The following MGA variants were observed in gnomAD, a reference collection of about 807,000 sequenced individuals.
MGA encodes the protein MAX gene-associated protein.
MGA carries 40 observed loss-of-function variants against 261.1 expected under a neutral mutation model. The ratio of observed to expected loss-of-function variants is 0.15; its 90% CI spans 0.12 to 0.20. The LOEUF is 0.20. MGA is among the 10% of genes least tolerant of loss of function. The pLI is 1.00. For synonymous variants in MGA, 1,302 were observed against 1,290.6 expected (o/e 1.01, Z -0.19); for missense variants, 3,397 against 3,630.5 (o/e 0.94, Z 1.65).
intron 9 of MGA, among the ~76,000 whole-genome samples, chr15:41,715,406 C>T (rs2060583007): frequency 1.3e-5 from 2 of 152,038 alleles, no homozygotes; most frequent in South Asian, 2.1e-4. Context: ...CCTCGGCCTC[C>T]CAAAGGGCTT....
rs1207263711 is a variant in MGA at position 41,693,302 on chromosome 15, TC to T, written c.1065-2767del. The stretch of plus-strand genomic sequence containing the variant: ...TAGGTATATCTCCCAATGCTATCCC[TC>T]CCCCCTCCCCCCACCCCACAACAGT... On this transcript the variant is annotated intron_variant, in intron 2 of 23. Transcript: ENST00000219905. 3.9e-5 allele frequency among the ~76,000 whole-genome samples: 3 copies of T among 77,896 alleles called. No individual in the cohort carries two copies. In the East Asian group the frequency reaches 1.3e-3, roughly 35 times the overall value. The allele number at this position is 77,896 out of a possible 152,430, so 51.1% of individuals were successfully genotyped here.
At chr15:41,707,015 T>TAA (rs2060155023) in intron 5 of MGA, among the ~76,000 whole-genome samples, 2 of 152,182 alleles carry the variant, frequency 1.3e-5, no homozygotes. Context: ...TAAATGTCAT[T>TAA]AATAAGGACT....
At chr15:41,657,514 C>T (rs1296457656), upstream of MGA, among the ~76,000 whole-genome samples, 2 of 151,896 alleles carry the variant, frequency 1.3e-5, no homozygotes, top group Admixed American at 6.6e-5. Context: ...CCACCATGCC[C>T]GGCTAATTTT....
Position 41,767,008 on chromosome 15 carries a change from A to C in MGA, c.8926A>C (p.Ser2976Arg). Residue 2976 changes from serine (S) to arginine (R), a missense_variant, in exon 24 of 24, where the codon AGC becomes CGC. Coordinates refer to ENST00000219905, the MANE Select transcript of MGA (RefSeq NM_001164273.2). ...ACACATGAAGACTGGCTTGGAGAACAGCAACAGCACAGACACTTTGTGGAG... is the reference window on the plus strand; with the variant it reads ...ACACATGAAGACTGGCTTGGAGAACCGCAACAGCACAGACACTTTGTGGAG... The C allele has an allele frequency of 6.2e-7, 1 of 1,614,054 alleles. No homozygotes were observed. Among genetic ancestry groups the C allele is most frequent in the Non-Finnish European group, 8.5e-7 (1 of 1,179,904 alleles).
rs555288555 is a variant in MGA at position 41,767,368 on chromosome 15, A to C, written c.*88A>C. On this transcript the variant is annotated 3_prime_UTR_variant, in exon 24 of 24. Transcript: ENST00000219905. ...GCAGGCATCTGTTTGTTTGTGTCTTAGAACTTGGATCCTTGACTTCAATGA... is the reference window on the plus strand; with the variant it reads ...GCAGGCATCTGTTTGTTTGTGTCTTCGAACTTGGATCCTTGACTTCAATGA... The C allele has an allele frequency of 1.4e-6, 2 of 1,398,862 alleles. No homozygotes were observed. The highest frequency in any genetic ancestry group is 1.4e-5 in the African/African-American group (1 of 69,830). The allele number at this position is 1,398,862 out of a possible 1,614,324, so 86.7% of individuals were successfully genotyped here. A position where few individuals can be genotyped will look rare whatever the true frequency, so the allele number is the denominator to read the frequency against.
intron 1 of MGA, among the ~76,000 whole-genome samples, chr15:41,639,803 C>T (rs2056785956): frequency 6.6e-6 from 1 of 152,112 alleles, no homozygotes; most frequent in African/African-American, 2.4e-5. Flanking sequence ...CTGCCTTGGC[C>T]TCCCAAAGTG....
chr15:41,665,484 C>A (rs183647139), intron 1 of MGA, among the ~76,000 whole-genome samples: 287 of 151,936 alleles, frequency 1.9e-3, no homozygotes, highest in Admixed American at 4.1e-3. Flanking sequence ...CCTCCCCACC[C>A]CCAGGCTCGA....
chr15:41,658,703 GT>G (rs146140163), upstream of MGA, among the ~76,000 whole-genome samples: 8 of 144,388 alleles, frequency 5.5e-5, no homozygotes, highest in Non-Finnish European at 9.1e-5. Flanking sequence ...AAAGTTCAGC[GT>G]TTTTTTTTTG....
intron 2 of MGA, among the ~76,000 whole-genome samples, chr15:41,691,002 T>G (rs1773346719): frequency 6.6e-6 from 1 of 151,248 alleles, no homozygotes; most frequent in Non-Finnish European, 1.5e-5. Flanking sequence ...TTGTTTTTTT[T>G]TTTTTTTTTT....
In MGA at chr15:41,757,784, C is replaced by A. The variant is rs777176762; in HGVS notation, c.7140-4C>A. On this transcript the variant is annotated splice_region_variant and splice_polypyrimidine_tract_variant and intron_variant, in intron 18 of 23. Coordinates refer to ENST00000219905, the MANE Select transcript of MGA (RefSeq NM_001164273.2). ...AGACACTGAAAAATCCTGTCTTTAT[C>A]CAGGTCCTGTACTCACATCTCTGCA... The A allele has an allele frequency of 6.2e-7, 1 of 1,605,934 alleles. No individual in the cohort carries two copies. Among genetic ancestry groups the A allele is most frequent in the Non-Finnish European group, 8.5e-7 (1 of 1,174,028 alleles).
upstream of MGA, among the ~76,000 whole-genome samples, chr15:41,660,073 A>C (rs1435535935): frequency 6.6e-6 from 1 of 152,210 alleles, no homozygotes; most frequent in Non-Finnish European, 1.5e-5. Flanking sequence ...GCCCTAGGGA[A>C]AGGGTGAAAG....
chr15:41,698,763 A>G, intron 3 of MGA, 100 bp from the exon 4 acceptor site: 1 of 832,836 alleles, frequency 1.2e-6, no homozygotes, highest in South Asian at 1.9e-5. Flanking sequence ...AGGCATGGAG[A>G]TATTTTCCTT....
intron 1 of MGA, among the ~76,000 whole-genome samples, chr15:41,638,372 A>G (rs2056752248): frequency 7.8e-6 from 1 of 128,496 alleles, no homozygotes. Flanking sequence ...ATATGCTAGA[A>G]TTTTTTTTTT....
In MGA at chr15:41,766,800, C is replaced by T. The variant is rs751699461; in HGVS notation, c.8718C>T (p.Asp2906=). 8.1e-6 allele frequency: 13 copies of T among 1,613,840 alleles called. No homozygotes were observed. Among genetic ancestry groups the T allele is most frequent in the South Asian group, 6.6e-5 (6 of 91,078 alleles). The stretch of plus-strand genomic sequence containing the variant: ...GTCCCCTCCTCTTGCACTTGGAAGA[C>T]GATGACTTTTCTGAGAATGAAAAAC... The change falls in exon 24 of 24, where the codon GAC becomes GAT. Residue 2906 remains aspartate (D), a synonymous_variant. Coordinates refer to ENST00000219905, the MANE Select transcript of MGA (RefSeq NM_001164273.2).
At chr15:41,741,114 C>G (rs762954174) in intron 14 of MGA, among the ~76,000 whole-genome samples, 1 of 151,848 alleles carries the variant, frequency 6.6e-6, no homozygotes, top group Non-Finnish European at 1.5e-5. Flanking sequence ...TTTGGGAGGC[C>G]GAGGCGGGTG....
chr15:41,625,550 C>T (rs1300366733), intron 1 of MGA, among the ~76,000 whole-genome samples: 7 of 151,002 alleles, frequency 4.6e-5, no homozygotes, highest in East Asian at 2.0e-4. Flanking sequence ...CTTGTCTCTA[C>T]GAGAAATACA....
chr15:41,662,759 T>C (rs2057488714), intron 1 of MGA, among the ~76,000 whole-genome samples: 1 of 152,228 alleles, frequency 6.6e-6, no homozygotes, highest in African/African-American at 2.4e-5. Context: ...ACCTGTTCTC[T>C]TGAAATTTGA....
At chr15:41,686,337 A>G (rs1228502929) in intron 2 of MGA, among the ~76,000 whole-genome samples, 1 of 152,048 alleles carries the variant, frequency 6.6e-6, no homozygotes, top group African/African-American at 2.4e-5. Context: ...ACATAGTGAC[A>G]CCCACCCAGC....
chr15:41,649,159 G>A (rs553446293), intron 1 of MGA, among the ~76,000 whole-genome samples: 1 of 152,098 alleles, frequency 6.6e-6, no homozygotes, highest in South Asian at 2.1e-4. Flanking sequence ...TGAGGCGGGT[G>A]GATCATGAGG....
Sources: allele counts gnomAD v4.1 joint callset (sites outside exome capture counted in the v4.1 genomes callset), GRCh38; gene constraint gnomAD v4.1.1; transcripts MANE v1.5; gene names NCBI Gene and HGNC (gene_info 2026-07-23, HGNC 2026-07-21).